STIM1: variants seen among roughly 807,000 people sequenced by gnomAD.
STIM1 encodes stromal interaction molecule 1.
Under a neutral mutation model 74.7 loss-of-function variants are expected in STIM1, and 25 were observed. That is an observed-to-expected ratio of 0.33 (90% CI 0.24 to 0.47). The LOEUF is 0.47. STIM1 is among the 20% of genes least tolerant of loss of function. The pLI is 1.00. For synonymous variants in STIM1, 328 were observed against 348.8 expected, an observed-to-expected ratio of 0.94 and a Z score of 0.66; for missense variants, 728 against 920.8, an observed-to-expected ratio of 0.79 and a Z score of 2.71.
intron 2 of STIM1, among the ~76,000 whole-genome samples, chr11:4,006,005 C>T (rs550706066): frequency 2.5e-4 from 38 of 152,266 alleles, no homozygotes; most frequent in African/African-American, 8.4e-4. Context: ...AGATCTGGAA[C>T]ATGTGACTTA....
intron 12 of STIM1, chr11:4,088,603 C>G (rs2094506386): frequency 8.7e-7 from 1 of 1,154,980 alleles, no homozygotes; most frequent in Non-Finnish European, 1.2e-6. Flanking sequence ...ATTCCATGCT[C>G]CAAGGTTTAA....
intron 3 of STIM1, among the ~76,000 whole-genome samples, chr11:4,026,737 A>T (rs1484458009): frequency 1.3e-5 from 2 of 152,188 alleles, no homozygotes; most frequent in Non-Finnish European, 1.5e-5. Context: ...CAAAAGAAGA[A>T]ATTTATAGGG....
chr11:3,981,917 A>AAG (rs1403094124), intron 2 of STIM1, among the ~76,000 whole-genome samples: 1 of 152,266 alleles, frequency 6.6e-6, no homozygotes, highest in African/African-American at 2.4e-5. Flanking sequence ...CTTATAAAGC[A>AAG]AGAAAGATAG....
At chr11:4,063,683 A>C (rs2094347156) in intron 5 of STIM1, among the ~76,000 whole-genome samples, 1 of 152,140 alleles carries the variant, frequency 6.6e-6, no homozygotes, top group African/African-American at 2.4e-5. Context: ...CTTTTTTTGT[A>C]GCTCCTGGAT....
chr11:3,950,549 T>G (rs1274991731), intron 1 of STIM1, among the ~76,000 whole-genome samples: 1 of 152,224 alleles, frequency 6.6e-6, no homozygotes, highest in Non-Finnish European at 1.5e-5. Context: ...AAATAAAGCT[T>G]CTGTGAGCAT....
chr11:4,004,361 C>T (rs1172312387), intron 2 of STIM1, among the ~76,000 whole-genome samples: 21 of 151,864 alleles, frequency 1.4e-4, no homozygotes, highest in Non-Finnish European at 2.7e-4. Context: ...GTAACCAAAA[C>T]AGCATGGTAC....
At chr11:4,034,228 C>T (rs545507340) in intron 3 of STIM1, among the ~76,000 whole-genome samples, 18 of 150,848 alleles carry the variant, frequency 1.2e-4, no homozygotes, top group Non-Finnish European at 2.1e-4. Context: ...GACACTGTCT[C>T]GGAAAAATAA....
At chr11:3,981,032 C>T (rs778078068) in intron 2 of STIM1, among the ~76,000 whole-genome samples, 35 of 152,140 alleles carry the variant, frequency 2.3e-4, no homozygotes, top group Non-Finnish European at 4.6e-4. Context: ...GAGTCTTGTT[C>T]TGTCGCCCAG....
intron 5 of STIM1, among the ~76,000 whole-genome samples, chr11:4,062,003 C>T (rs560436193): frequency 5.3e-5 from 8 of 151,752 alleles, no homozygotes; most frequent in Non-Finnish European, 1.0e-4. Flanking sequence ...GGGGAGAAAC[C>T]GCTTACTGGT....
intron 2 of STIM1, among the ~76,000 whole-genome samples, chr11:3,980,433 C>T (rs2093491010): frequency 6.6e-6 from 1 of 151,960 alleles, no homozygotes; most frequent in South Asian, 2.1e-4. Flanking sequence ...ATCACTGTGC[C>T]CCTGTTCCAG....
chr11:3,986,418 A>G (rs547224510), intron 2 of STIM1, among the ~76,000 whole-genome samples: 1 of 152,284 alleles, frequency 6.6e-6, no homozygotes. Flanking sequence ...AGCAAATGTA[A>G]TAGTGGGGCA....
chr11:4,018,458 CA>C (rs1157096857), intron 2 of STIM1, among the ~76,000 whole-genome samples: 5,530 of 20,540 alleles, frequency 0.27, 519 homozygotes, highest in African/African-American at 0.47. Context: ...GACTCCGTCT[CA>C]AAAAAAAAAA....
chr11:4,059,407 T>A lies in STIM1; in HGVS notation c.613+11T>A, dbSNP rs1048701700. ...TTGGGCCTCCTCTCTGTGAGTCTTG[T>A]GTTGAGAAGGGCTACTGCTGTGCCA... On this transcript the variant is annotated intron_variant, in intron 5 of 12. Coordinates refer to ENST00000526596, the MANE Select transcript of STIM1 (RefSeq NM_001382567.1). 18 of 1,610,340 alleles carry A rather than the reference T, an allele frequency of 1.1e-5. No individual in the cohort carries two copies. The highest frequency in any genetic ancestry group is 1.4e-5 in the Non-Finnish European group (17 of 1,176,822).
intron 2 of STIM1, among the ~76,000 whole-genome samples, chr11:4,008,313 G>T (rs1565146520): frequency 6.6e-6 from 1 of 152,166 alleles, no homozygotes; most frequent in East Asian, 1.9e-4. Flanking sequence ...ACTCTATGAT[G>T]TTGACACATG....
intron 12 of STIM1, among the ~76,000 whole-genome samples, chr11:4,090,849 T>C (rs966897507): frequency 7.2e-5 from 11 of 152,312 alleles, no homozygotes; most frequent in African/African-American, 2.6e-4. Flanking sequence ...GGGGCCCAGG[T>C]ATTGGAAAAC....
At chr11:3,916,378 C>T (rs577687533) in intron 1 of STIM1, among the ~76,000 whole-genome samples, 1 of 152,052 alleles carries the variant, frequency 6.6e-6, no homozygotes, top group Admixed American at 6.6e-5. Flanking sequence ...ACCTCTGCCA[C>T]CTGGGTTCAA....
At chr11:4,030,326 CAA>C (rs35716064) in intron 3 of STIM1, among the ~76,000 whole-genome samples, 52 of 122,860 alleles carry the variant, frequency 4.2e-4, no homozygotes, top group East Asian at 4.6e-4. Context: ...AACTCCATCT[CAA>C]AAAAAAAAAA....
At chr11:4,011,570 T>C (rs1458372858) in intron 2 of STIM1, among the ~76,000 whole-genome samples, 1 of 152,124 alleles carries the variant, frequency 6.6e-6, no homozygotes, top group African/African-American at 2.4e-5. Context: ...TTTGATTGGG[T>C]TGTTTGTTTT....
chr11:3,874,437 G>T (rs1446128951), intron 1 of STIM1, among the ~76,000 whole-genome samples: 1 of 152,198 alleles, frequency 6.6e-6, no homozygotes, highest in Non-Finnish European at 1.5e-5. Flanking sequence ...TGCCCATTTT[G>T]CAGGTGAAGA....
Sources: allele counts gnomAD v4.1 joint callset (sites outside exome capture counted in the v4.1 genomes callset), GRCh38; gene constraint gnomAD v4.1.1; transcripts MANE v1.5; gene names NCBI Gene and HGNC (gene_info 2026-07-23, HGNC 2026-07-21).